RBPJ: variants seen among roughly 807,000 people sequenced by gnomAD.
The protein encoded by RBPJ is recombining binding protein suppressor of hairless.
Under a neutral mutation model 67.8 loss-of-function variants are expected in RBPJ, and 9 were observed. The ratio of observed to expected loss-of-function variants is 0.13; its 90% CI spans 0.08 to 0.23. The LOEUF (loss-of-function observed/expected upper bound fraction) is 0.23. RBPJ is among the 10% of genes least tolerant of loss of function. The pLI is 1.00. For missense variants in RBPJ, 305 were observed against 595.6 expected (o/e 0.51, Z 5.08); for synonymous variants, 198 against 203.3 (o/e 0.97, Z 0.22).
chr4:26,244,379 G>GCATA (rs1560226450), intron 1 of RBPJ, among the ~76,000 whole-genome samples: 76 of 2,338 alleles, frequency 0.033, 26 homozygotes, highest in South Asian at 0.1. Flanking sequence ...ATGTGTACAC[G>GCATA]TGTGTGTATA....
chr4:26,166,063 C>T (rs1441759767), intron 1 of RBPJ, among the ~76,000 whole-genome samples: 26 of 149,940 alleles, frequency 1.7e-4, no homozygotes, highest in Admixed American at 1.5e-3. Context: ...TTTTTTATGG[C>T]TGCATAGTAT....
the RBPJ span, among the ~76,000 whole-genome samples, chr4:26,137,345 C>T: frequency 5.9e-5 from 9 of 152,210 alleles, no homozygotes; most frequent in Non-Finnish European, 1.2e-4. Flanking sequence ...CTGCTGATCC[C>T]ACTCCCTACC....
intron 1 of RBPJ, among the ~76,000 whole-genome samples, chr4:26,168,462 C>T (rs1459839463): frequency 1.3e-5 from 2 of 152,216 alleles, no homozygotes; most frequent in African/African-American, 4.8e-5. Flanking sequence ...TGATGGGCTT[C>T]CCTTTGTGGG....
chr4:26,290,099 G>A (rs894207727), intron 1 of RBPJ, among the ~76,000 whole-genome samples: 8 of 150,114 alleles, frequency 5.3e-5, no homozygotes, highest in Non-Finnish European at 1.2e-4. Flanking sequence ...GGAGGACATG[G>A]TGGGAGGGTT....
Position 26,406,155 on chromosome 4 carries a change from ATATTTG to A in RBPJ, c.60-12_60-7del. On this transcript the variant is annotated splice_polypyrimidine_tract_variant and intron_variant, in intron 2 of 10. Coordinates refer to ENST00000355476, the MANE Select transcript of RBPJ (RefSeq NM_015874.6). ...CAAGAATTTCACCTCTGTAACAGTA[ATATTTG>A]TATTTGTTTTTAGGGAAGCTATGCG... 1.4e-6 allele frequency: 2 copies of A among 1,473,254 alleles called. No homozygotes were observed. The highest frequency in any genetic ancestry group is 1.1e-5 in the South Asian group (1 of 88,082). The allele number at this position is 1,473,254 out of a possible 1,614,324, so 91.3% of individuals were successfully genotyped here. A position where few individuals can be genotyped will look rare whatever the true frequency, so the allele number is the denominator to read the frequency against.
intron 1 of RBPJ, among the ~76,000 whole-genome samples, chr4:26,210,754 T>TTCTTC: frequency 9.5e-6 from 1 of 105,554 alleles, no homozygotes; most frequent in Non-Finnish European, 2.0e-5. Flanking sequence ...CTTCTTTCCT[T>TTCTTC]CTTTCTTTCT....
At chr4:26,235,787 C>T (rs1719433560) in intron 1 of RBPJ, among the ~76,000 whole-genome samples, 1 of 152,240 alleles carries the variant, frequency 6.6e-6, no homozygotes, top group African/African-American at 2.4e-5. Flanking sequence ...TCTTCAGTCT[C>T]CTGCCAGTTA....
chr4:26,207,470 G>A (rs1016095780), intron 1 of RBPJ, among the ~76,000 whole-genome samples: 2 of 152,180 alleles, frequency 1.3e-5, no homozygotes, highest in African/African-American at 4.8e-5. Flanking sequence ...TGGATCGATT[G>A]TTCATTTTGG....
chr4:26,417,821 G>C (rs1355818942), intron 4 of RBPJ, among the ~76,000 whole-genome samples: 1 of 152,128 alleles, frequency 6.6e-6, no homozygotes, highest in Non-Finnish European at 1.5e-5. Flanking sequence ...ATTAGTTATT[G>C]AGAAATATGG....
the RBPJ span, among the ~76,000 whole-genome samples, chr4:26,110,127 C>T: frequency 2.6e-5 from 4 of 152,290 alleles, no homozygotes; most frequent in East Asian, 1.9e-4. The surrounding 1 kb of genome is among the most constrained non-coding windows in gnomAD (Gnocchi z 4.5). Flanking sequence ...TTACCCCTAC[C>T]GTAGGCAAGG....
At chr4:26,427,123 C>T (rs1200952995) in intron 7 of RBPJ, among the ~76,000 whole-genome samples, 1 of 152,046 alleles carries the variant, frequency 6.6e-6, no homozygotes, top group Non-Finnish European at 1.5e-5. Context: ...ATCTTAGACC[C>T]AGGATCATAG....
At chr4:26,262,946 A>C (rs1198075072) in intron 1 of RBPJ, among the ~76,000 whole-genome samples, 3 of 152,152 alleles carry the variant, frequency 2.0e-5, no homozygotes, top group Non-Finnish European at 4.4e-5. Context: ...TTTCAGCTAC[A>C]TGTCATCTGG....
At chr4:26,419,880 A>G (rs912203227) in intron 4 of RBPJ, among the ~76,000 whole-genome samples, 2 of 152,240 alleles carry the variant, frequency 1.3e-5, no homozygotes, top group Middle Eastern at 3.4e-3. Flanking sequence ...TGCCTTGAGC[A>G]TTTTCTCTAG....
chr4:26,239,967 A>G (rs1719580424), intron 1 of RBPJ, among the ~76,000 whole-genome samples: 1 of 152,224 alleles, frequency 6.6e-6, no homozygotes, highest in African/African-American at 2.4e-5. Flanking sequence ...TATAAAGAAA[A>G]TAAGATCCTG....
At chr4:26,123,492 C>T in the RBPJ span, among the ~76,000 whole-genome samples, 1 of 152,076 alleles carries the variant, frequency 6.6e-6, no homozygotes, top group Non-Finnish European at 1.5e-5. Flanking sequence ...ACTTAGGCTA[C>T]ACTAAATTTA....
chr4:26,373,648 A>C (rs950293786), intron 1 of RBPJ, among the ~76,000 whole-genome samples: 8 of 152,198 alleles, frequency 5.3e-5, no homozygotes, highest in African/African-American at 1.9e-4. Flanking sequence ...GTTCTTTTTC[A>C]ATTTAGAAAA....
chr4:26,355,058 AT>A (rs1250111844), intron 1 of RBPJ, among the ~76,000 whole-genome samples: 3 of 151,820 alleles, frequency 2.0e-5, no homozygotes, highest in Non-Finnish European at 4.4e-5. Flanking sequence ...CTCCTGCCGT[AT>A]TTTTTTGGTC....
At chr4:26,405,382 C>T (rs1249332416) in intron 2 of RBPJ, among the ~76,000 whole-genome samples, 1 of 152,114 alleles carries the variant, frequency 6.6e-6, no homozygotes, top group Admixed American at 6.5e-5. Flanking sequence ...TCTGCTTATT[C>T]AGAATTGTTA....
At chr4:26,400,899 A>T (rs570438694) in intron 2 of RBPJ, among the ~76,000 whole-genome samples, 34 of 152,334 alleles carry the variant, frequency 2.2e-4, no homozygotes, top group African/African-American at 8.2e-4. Context: ...GCTTCCAATA[A>T]ATCTTCAGTG....
Sources: allele counts gnomAD v4.1 joint callset (sites outside exome capture counted in the v4.1 genomes callset), GRCh38; gene constraint gnomAD v4.1.1; non-coding constraint Gnocchi (gnomAD v3.1); transcripts MANE v1.5; gene names NCBI Gene and HGNC (gene_info 2026-07-23, HGNC 2026-07-21).